NXPH1: variants seen among roughly 807,000 people sequenced by gnomAD.
The protein encoded by NXPH1 is neurexophilin-1.
NXPH1 carries 5 observed loss-of-function variants against 23.7 expected under a neutral mutation model. The ratio of observed to expected loss-of-function variants is 0.21; its 90% confidence interval spans 0.11 to 0.44. The LOEUF (loss-of-function observed/expected upper bound fraction) is 0.44, where lower values mean the gene tolerates loss of function less well. Ranked by LOEUF, NXPH1 falls within the 20% of genes least tolerant of loss-of-function variation. The probability of loss-of-function intolerance (pLI) is 0.99; values close to 1 mark genes in which losing one functional copy is unlikely to be tolerated. For missense variants in NXPH1, 324 were observed against 321.6 expected (o/e 1.01, Z -0.06); for synonymous variants, 144 against 122.2 (o/e 1.18, Z -1.18).
At chr7:8,683,719 G>A (rs1447968612) in intron 2 of NXPH1, among the ~76,000 whole-genome samples, 2 of 151,792 alleles carry the variant, frequency 1.3e-5, no homozygotes, top group Non-Finnish European at 2.9e-5. Flanking sequence ...TATTACTTTT[G>A]CACCAACATA....
intron 2 of NXPH1, among the ~76,000 whole-genome samples, chr7:8,723,529 T>G (rs996726576): frequency 6.6e-6 from 1 of 152,254 alleles, no homozygotes; most frequent in Non-Finnish European, 1.5e-5. Context: ...TGGGGATTTT[T>G]GGTATAACAT....
intron 2 of NXPH1, among the ~76,000 whole-genome samples, chr7:8,645,661 A>T (rs1367468519): frequency 6.6e-6 from 1 of 151,974 alleles, no homozygotes; most frequent in Non-Finnish European, 1.5e-5. Context: ...GTATCTTTTA[A>T]TGGAAATATT....
chr7:8,656,902 G>T (rs4470930), intron 2 of NXPH1, among the ~76,000 whole-genome samples: 106,333 of 152,128 alleles, frequency 0.7, 38,086 homozygotes, highest in East Asian at 1. Context: ...ACTTTCTCAT[G>T]AAGGTCTTCA....
intron 2 of NXPH1, among the ~76,000 whole-genome samples, chr7:8,477,327 G>A (rs942916074): frequency 5.3e-5 from 8 of 151,214 alleles, no homozygotes; most frequent in African/African-American, 1.2e-4. Flanking sequence ...CTGCTGTTCC[G>A]GAGCTGTATT....
chr7:8,740,130 G>A (rs1242921860), intron 2 of NXPH1, among the ~76,000 whole-genome samples: 1 of 152,202 alleles, frequency 6.6e-6, no homozygotes, highest in Non-Finnish European at 1.5e-5. Context: ...CATTCTGAAA[G>A]CCTTATTTTC....
At chr7:8,449,281 C>A (rs780633911) in intron 2 of NXPH1, among the ~76,000 whole-genome samples, 28 of 152,248 alleles carry the variant, frequency 1.8e-4, no homozygotes, top group African/African-American at 6.0e-4. Flanking sequence ...TACCCTATGC[C>A]CCCTTCCAAG....
rs143157713 is a variant in NXPH1, at chr7:8,728,247, A to G, written c.55-22761A>G. Among the ~76,000 whole-genome samples the G allele has an allele frequency of 8.4e-3, 1,280 of 152,296 alleles. 18 individuals carry two copies. The highest frequency in any genetic ancestry group is 0.028 in the African/African-American group (1,180 of 41,552). On this transcript the variant is annotated intron_variant, in intron 2 of 2. Coordinates refer to ENST00000405863, the MANE Select transcript of NXPH1 (RefSeq NM_152745.3). ...CTTAAGGAGATTTTGGGCTGAGACA[A>G]TGGGGTTTCCTAGATCTACAGTCAT...
chr7:8,674,162 G>GACACACACACAC (rs35790323), intron 2 of NXPH1, among the ~76,000 whole-genome samples: 2 of 86,104 alleles, frequency 2.3e-5, no homozygotes, highest in African/African-American at 5.8e-5. Flanking sequence ...CAAACATATA[G>GACACACACACAC]ACACACACAC....
chr7:8,709,177 G>T lies in NXPH1; in HGVS notation c.55-41831G>T, dbSNP rs149704930. Among the ~76,000 whole-genome samples, 29 of 152,298 alleles carry T rather than the reference G, an allele frequency of 1.9e-4. 1 individual carries two copies. The East Asian group carries it at 5.0e-3, about 26-fold the overall frequency. ...AATCTTTTGAACACTGTTGATTGTT[G>T]GTTGATCTCATTTCCCTATCTGCTT... On this transcript the variant is annotated intron_variant, in intron 2 of 2. Coordinates refer to ENST00000405863, the MANE Select transcript of NXPH1 (RefSeq NM_152745.3).
In NXPH1 at chr7:8,645,581, A is replaced by G. The variant is rs376484952; in HGVS notation, c.55-105427A>G. ...CCTTTTTTGATTATATCTAATGAAC[A>G]TCACATATATTATAAATGTATTATC... On this transcript the variant is annotated intron_variant, in intron 2 of 2. Transcript: ENST00000405863. 1.1e-4 allele frequency among the ~76,000 whole-genome samples: 17 copies of G among 149,724 alleles called. No individual in the cohort carries two copies. The East Asian group carries it at 2.0e-3, about 17-fold the overall frequency.
chr7:8,500,435 C>G (rs1041795061), intron 2 of NXPH1, among the ~76,000 whole-genome samples: 7 of 152,072 alleles, frequency 4.6e-5, no homozygotes, highest in Non-Finnish European at 1.0e-4. Context: ...GTGGCATTTT[C>G]TAGCTGTGTG....
intron 2 of NXPH1, among the ~76,000 whole-genome samples, chr7:8,665,902 GT>G (rs1366726496): frequency 0.089 from 6,579 of 73,860 alleles, 435 homozygotes; most frequent in East Asian, 0.56. Context: ...GTTCTAAGAG[GT>G]TTTTTTTTCT....
At chr7:8,617,963 G>A (rs868428616) in intron 2 of NXPH1, among the ~76,000 whole-genome samples, 13 of 151,870 alleles carry the variant, frequency 8.6e-5, no homozygotes, top group Non-Finnish European at 1.6e-4. Context: ...AAAAGCAAGT[G>A]GGTACATCTC....
intron 2 of NXPH1, among the ~76,000 whole-genome samples, chr7:8,597,512 ACTTT>A (rs1323428357): frequency 2.6e-5 from 4 of 152,040 alleles, no homozygotes; most frequent in Non-Finnish European, 5.9e-5. Context: ...GATATTTTGT[ACTTT>A]CTTTATGTCT....
intron 2 of NXPH1, among the ~76,000 whole-genome samples, chr7:8,711,690 A>ATATG (rs1262574544): frequency 6.6e-6 from 1 of 152,164 alleles, no homozygotes; most frequent in Non-Finnish European, 1.5e-5. Context: ...GTATGCATAC[A>ATATG]TATGTATGTG....
In NXPH1 at chr7:8,553,748, A is replaced by T. The variant is rs530356204; in HGVS notation, c.54+117981A>T. On this transcript the variant is annotated intron_variant, in intron 2 of 2. Transcript: ENST00000405863. ...AGTCCCATCAGGCTAAGATGTTCAA[A>T]CACCCTTGGTTTGAAAAAATCATCT... 3.3e-5 allele frequency among the ~76,000 whole-genome samples: 5 copies of T among 151,748 alleles called. No individual in the cohort carries two copies. The South Asian group carries it at 1.0e-3, about 31-fold the overall frequency.
chr7:8,521,861 C>T (rs866949254), intron 2 of NXPH1, among the ~76,000 whole-genome samples: 4 of 151,910 alleles, frequency 2.6e-5, no homozygotes, highest in Middle Eastern at 3.4e-3. Context: ...TGGGTGGAAG[C>T]GATTTGAAGG....
In NXPH1 at chr7:8,445,634, T is replaced by C. The variant is rs552307728; in HGVS notation, c.54+9867T>C. The stretch of plus-strand genomic sequence containing the variant: ...AATTACGACAAAGATTTAGAGAAAA[T>C]TTCCTGGTTTTAAAGAGCCTTTTTC... On this transcript the variant is annotated intron_variant, in intron 2 of 2. Coordinates refer to ENST00000405863, the MANE Select transcript of NXPH1 (RefSeq NM_152745.3). Among the ~76,000 whole-genome samples, 12 of 152,314 alleles carry C rather than the reference T, an allele frequency of 7.9e-5. No homozygotes were observed. The East Asian group carries it at 2.1e-3, about 27-fold the overall frequency.
intron 2 of NXPH1, among the ~76,000 whole-genome samples, chr7:8,718,715 T>C (rs1779917227): frequency 6.6e-6 from 1 of 152,212 alleles, no homozygotes; most frequent in African/African-American, 2.4e-5. Context: ...AATGAGTTAC[T>C]TAGACATCTC....
Sources: gnomAD v4.1 joint callset for allele counts (sites outside exome capture counted in the v4.1 genomes callset) on GRCh38, gnomAD v4.1.1 for gene constraint, MANE v1.5 for transcripts, NCBI Gene and HGNC (gene_info 2026-07-23, HGNC 2026-07-21) for gene names.